The following SH3GL3 variants were observed in gnomAD, a reference collection of about 807,000 sequenced individuals.
The protein encoded by SH3GL3 is endophilin-A3.
SH3GL3 carries 33 observed loss-of-function variants against 47.7 expected under a neutral mutation model. The ratio of observed to expected loss-of-function variants is 0.69; its 90% CI spans 0.52 to 0.92. The LOEUF is 0.92. Ranked by LOEUF, SH3GL3 falls within the 40% of genes least tolerant of loss-of-function variation. SH3GL3 has a pLI of 0.00. For synonymous variants in SH3GL3, 155 were observed against 148.8 expected (o/e 1.04, Z -0.30); for missense variants, 363 against 417.8 (o/e 0.87, Z 1.14).
chr15:83,568,514 G>T lies in SH3GL3; in HGVS notation c.188-15G>T. 1 of 1,607,534 alleles carries T rather than the reference G, an allele frequency of 6.2e-7. No individual in the cohort carries two copies. The highest frequency in any genetic ancestry group is 1.1e-5 in the South Asian group (1 of 90,656). On this transcript the variant is annotated splice_polypyrimidine_tract_variant and intron_variant, in intron 3 of 8. Coordinates refer to ENST00000427482, the MANE Select transcript of SH3GL3 (RefSeq NM_003027.5). ...CTTGTAACTTTAAAGAATTACAAAT[G>T]ACAATGTTTTTAAGCATACAGAGCT...
At chr15:83,624,001 G>C in the SH3GL3 span, among the ~76,000 whole-genome samples, 1 of 152,112 alleles carries the variant, frequency 6.6e-6, no homozygotes, top group African/African-American at 2.4e-5. Context: ...TGGCCAGGCT[G>C]GTCTCGAACT....
chr15:83,621,646 G>A (rs2060916025), downstream of SH3GL3, among the ~76,000 whole-genome samples: 1 of 152,094 alleles, frequency 6.6e-6, no homozygotes. Context: ...AGCACATGCT[G>A]TTGAAAAAAT....
At position 83,448,314 on chromosome 15, in the gene SH3GL3, C is replaced by A. The variant is rs2039548609; in HGVS notation, c.45+736C>A. 6.6e-6 allele frequency among the ~76,000 whole-genome samples: 1 copy of A among 151,972 alleles called. No individual in the cohort carries two copies. Among genetic ancestry groups the A allele is most frequent in the South Asian group, 2.1e-4 (1 of 4,804 alleles). ...CAGTGGGGGCGTCAGGGAGAGCTTC[C>A]CGGAGGAGGAGACATGTCATTTGAG... is the stretch of plus-strand genomic sequence containing the variant. On this transcript the variant is annotated intron_variant, in intron 1 of 8. Transcript: ENST00000427482. This position sits in a 1 kb window ranked among gnomAD's most constrained non-coding sequence, Gnocchi z 4.2.
chr15:83,591,968 G>T (rs566832426), intron 8 of SH3GL3, among the ~76,000 whole-genome samples: 2 of 152,200 alleles, frequency 1.3e-5, no homozygotes, highest in East Asian at 3.9e-4. Flanking sequence ...CCACCAGGCC[G>T]GGCCATGTGT....
chr15:83,470,715 C>T (rs2040791670), intron 1 of SH3GL3, among the ~76,000 whole-genome samples: 1 of 152,044 alleles, frequency 6.6e-6, no homozygotes, highest in South Asian at 2.1e-4. Flanking sequence ...ATTTTCTTTT[C>T]TTTCCTGTAT....
chr15:83,548,302 C>T (rs951561016), intron 1 of SH3GL3, among the ~76,000 whole-genome samples: 1 of 150,264 alleles, frequency 6.7e-6, no homozygotes. Flanking sequence ...TTCTTATTTC[C>T]ATTTGTTTCC....
At chr15:83,583,475 G>A (rs1299528010) in intron 6 of SH3GL3, among the ~76,000 whole-genome samples, 3 of 152,204 alleles carry the variant, frequency 2.0e-5, no homozygotes, top group Admixed American at 2.0e-4. Flanking sequence ...GCCTTTTGCA[G>A]TTGGCTCACA....
chr15:83,491,507 C>G (rs2151582626), intron 1 of SH3GL3, among the ~76,000 whole-genome samples: 1 of 152,330 alleles, frequency 6.6e-6, no homozygotes, highest in South Asian at 2.1e-4. Context: ...GAACACCTCT[C>G]TGCTTTGGAA....
Position 83,448,688 on chromosome 15 carries a change from G to C in SH3GL3, c.45+1110G>C, listed in dbSNP as rs1447143457. Reference sequence around the variant, plus strand: ...CACATTTGTGGTGAGGTCTCATCCTGCTTCTCCCACAAATTGGCCCATAGA... The same window carrying C: ...CACATTTGTGGTGAGGTCTCATCCTCCTTCTCCCACAAATTGGCCCATAGA... On this transcript the variant is annotated intron_variant, in intron 1 of 8. Coordinates refer to ENST00000427482, the MANE Select transcript of SH3GL3 (RefSeq NM_003027.5). The surrounding 1 kb of genome is among the most constrained non-coding windows in gnomAD (Gnocchi z 4.2). Among the ~76,000 whole-genome samples the C allele has an allele frequency of 6.6e-6, 1 of 152,086 alleles. No individual in the cohort carries two copies. Among genetic ancestry groups the C allele is most frequent in the Non-Finnish European group, 1.5e-5 (1 of 68,028 alleles).
At chr15:83,506,204 G>A (rs1241476243) in intron 1 of SH3GL3, among the ~76,000 whole-genome samples, 5 of 151,888 alleles carry the variant, frequency 3.3e-5, no homozygotes, top group Non-Finnish European at 7.4e-5. Context: ...TACATGTGGT[G>A]GTTTTATTTT....
chr15:83,521,321 C>A (rs1412434755), intron 1 of SH3GL3, among the ~76,000 whole-genome samples: 1 of 152,160 alleles, frequency 6.6e-6, no homozygotes, highest in Non-Finnish European at 1.5e-5. Context: ...AGGGATCTGG[C>A]TATACAGGGT....
At position 83,470,950 on chromosome 15, in the gene SH3GL3, T is replaced by C. The variant is rs7167530; in HGVS notation, c.45+23372T>C. ...TGGCCTTCCCTATTTATAATATAAT[T>C]TCATTAAATATTTCTTCTATATACA... On this transcript the variant is annotated intron_variant, in intron 1 of 8. Transcript: ENST00000427482. Among the ~76,000 whole-genome samples, 559 of 152,250 alleles carry C rather than the reference T, an allele frequency of 3.7e-3. 4 individuals carry two copies. The highest frequency in any genetic ancestry group is 0.013 in the African/African-American group (524 of 41,560).
At chr15:83,612,271 A>C (rs2060689030) in intron 8 of SH3GL3, among the ~76,000 whole-genome samples, 5 of 152,204 alleles carry the variant, frequency 3.3e-5, no homozygotes, top group Admixed American at 3.3e-4. Flanking sequence ...GGGGGTTTAC[A>C]GAACATCATG....
At position 83,481,003 on chromosome 15, in the gene SH3GL3, C is replaced by T. The variant is rs949958270; in HGVS notation, c.45+33425C>T. ...AAGAGAAATAATTCCTGGCTGTGCA[C>T]GGTGGCTCACACCTGTAATCCCAGC... On this transcript the variant is annotated intron_variant, in intron 1 of 8. Coordinates refer to ENST00000427482, the MANE Select transcript of SH3GL3 (RefSeq NM_003027.5). Among the ~76,000 whole-genome samples, 9 of 152,154 alleles carry T rather than the reference C, an allele frequency of 5.9e-5. No homozygotes were observed. The East Asian group carries it at 9.7e-4, about 16-fold the overall frequency.
At chr15:83,613,081 A>G (rs2060714272) in intron 8 of SH3GL3, among the ~76,000 whole-genome samples, 1 of 152,230 alleles carries the variant, frequency 6.6e-6, no homozygotes, top group Admixed American at 6.5e-5. Context: ...AATGACCCAG[A>G]ATGAAAAATG....
intron 6 of SH3GL3, among the ~76,000 whole-genome samples, chr15:83,581,229 G>A (rs1251263837): frequency 6.6e-6 from 1 of 152,208 alleles, no homozygotes; most frequent in Non-Finnish European, 1.5e-5. Context: ...GTCTCCAGAT[G>A]TAGTACTTCC....
At chr15:83,461,661 A>G (rs1320857907) in intron 1 of SH3GL3, among the ~76,000 whole-genome samples, 2 of 152,158 alleles carry the variant, frequency 1.3e-5, no homozygotes, top group African/African-American at 4.8e-5. Flanking sequence ...TTTTTTAAAT[A>G]ACAAGATACA....
chr15:83,552,571 G>T lies in SH3GL3; in HGVS notation c.46-6682G>T, dbSNP rs888045674. On this transcript the variant is annotated intron_variant, in intron 1 of 8. Transcript: ENST00000427482. ...TTAGGTTGGTGCAAAAGTAATTGTG[G>T]TTTTTGCCACTACTTATAATATTTT... 2.0e-5 allele frequency among the ~76,000 whole-genome samples: 3 copies of T among 152,084 alleles called. No homozygotes were observed. The East Asian group carries it at 5.8e-4, about 29-fold the overall frequency.
chr15:83,517,854 C>T (rs1339580339), intron 1 of SH3GL3, among the ~76,000 whole-genome samples: 1 of 152,062 alleles, frequency 6.6e-6, no homozygotes, highest in Non-Finnish European at 1.5e-5. Context: ...CACCCAGGTA[C>T]TGAGCATATT....
Sources: gnomAD v4.1 joint callset for allele counts (sites outside exome capture counted in the v4.1 genomes callset) on GRCh38, gnomAD v4.1.1 for gene constraint, Gnocchi (gnomAD v3.1) non-coding constraint, MANE v1.5 for transcripts, NCBI Gene and HGNC (gene_info 2026-07-23, HGNC 2026-07-21) for gene names.